The following FAM217A variants were observed in gnomAD, a reference collection of about 807,000 sequenced individuals.
FAM217A encodes the protein family with sequence similarity 217 member A.
Under a neutral mutation model 18.5 loss-of-function variants are expected in FAM217A, and 13 were observed. The observed-to-expected ratio is 0.70, with a 90% CI of 0.46 to 1.12. The LOEUF is 1.12. Among genes scored for constraint, FAM217A ranks in the 50% most tolerant of loss-of-function variants. FAM217A has a pLI of 0.00. For missense variants in FAM217A, 560 were observed against 575.4 expected, an observed-to-expected ratio of 0.97 and a Z score of 0.27; for synonymous variants, 161 against 202.8, an observed-to-expected ratio of 0.79 and a Z score of 1.75.
upstream of FAM217A, chr6:4,079,554 C>A: frequency 8.0e-7 from 1 of 1,246,230 alleles, no homozygotes; most frequent in Non-Finnish European, 1.1e-6. Flanking sequence ...CCAGGCCCTT[C>A]CCTGGGCCTC....
chr6:4,086,932 G>A lies in FAM217A; in HGVS notation c.18+78C>T, dbSNP rs79417067. ...AATGGCTTCTTACCGGGAAGGCTCC[G>A]GTTGAGCATTTGTTTACTTTGTTTT... On this transcript the variant is annotated intron_variant, in intron 1 of 8. Transcript: ENST00000639338. The A allele has an allele frequency of 2.3e-3, 915 of 398,894 alleles. 3 individuals carry two copies. Among genetic ancestry groups the A allele is most frequent in the Non-Finnish European group, 3.5e-3 (795 of 226,050 alleles). 24.7% of individuals were successfully genotyped at this position (398,894 alleles called of 1,614,324 possible). A position where few individuals can be genotyped will look rare whatever the true frequency, so the allele number is the denominator to read the frequency against.
upstream of FAM217A, chr6:4,079,190 C>T: frequency 3.3e-6 from 1 of 306,682 alleles, no homozygotes. Flanking sequence ...GGAGGCCCGG[C>T]GTTCCACAAG....
At chr6:4,070,832 C>G (rs899056861) in intron 6 of FAM217A, among the ~76,000 whole-genome samples, 1 of 151,984 alleles carries the variant, frequency 6.6e-6, no homozygotes, top group Non-Finnish European at 1.5e-5. Context: ...TGGCAAAATT[C>G]TTGTCTACAA....
intron 4 of FAM217A, 137 bp downstream of exon 4, chr6:4,074,306 G>T: frequency 1.7e-6 from 1 of 603,148 alleles, no homozygotes; most frequent in Non-Finnish European, 2.8e-6. Flanking sequence ...TAAAATATTT[G>T]ACTTTGACTT....
chr6:4,078,177 C>A (rs1769982070), intron 1 of FAM217A, among the ~76,000 whole-genome samples: 1 of 151,782 alleles, frequency 6.6e-6, no homozygotes, highest in South Asian at 2.1e-4. Context: ...CCTCAGCCTC[C>A]CGAGCAGCTG....
chr6:4,083,760 G>C (rs1770463405), upstream of FAM217A, among the ~76,000 whole-genome samples: 1 of 151,994 alleles, frequency 6.6e-6, no homozygotes, highest in Non-Finnish European at 1.5e-5. Context: ...CACCATATTG[G>C]TCAGGCTGGT....
chr6:4,080,740 A>G (rs1303802694), upstream of FAM217A, among the ~76,000 whole-genome samples: 1 of 151,974 alleles, frequency 6.6e-6, no homozygotes, highest in Non-Finnish European at 1.5e-5. Flanking sequence ...ACATTTTACA[A>G]TTTTCCTAAA....
rs545235485 is a variant in FAM217A at position 4,068,944 on chromosome 6, T to C, written c.1279A>G (p.Met427Val). 99 of 1,614,162 alleles carry C rather than the reference T, an allele frequency of 6.1e-5. 3 individuals are homozygous for C. Among genetic ancestry groups the C allele is most frequent in the South Asian group, 3.2e-4 (29 of 91,078 alleles). The change falls in exon 7 of 7, where the codon ATG (methionine) becomes GTG (valine). Residue 427 changes from methionine to valine, a missense_variant. Transcript: ENST00000274673. ...KPTIGHTNQS[M>V]VKMVSTRCLP... ...CATCTTGTGGAGACCATTTTAACCA[T>C]TGATTGATTTGTATGGCCAATAGTA...
In FAM217A at chr6:4,069,206, C is replaced by CA. The variant is rs757737319; in HGVS notation, c.1016dup (p.Leu339PhefsTer10). On this transcript the variant is annotated frameshift_variant, in exon 7 of 7. Transcript: ENST00000274673. LOFTEE classifies it low-confidence loss of function (END_TRUNC). ...TATCTACACAAGGTATCTGAAGACTCAAAGAGTCGCAAAGTTTTGGCTGTC... is the reference window on the plus strand; with the variant it reads ...TATCTACACAAGGTATCTGAAGACTCAAAAGAGTCGCAAAGTTTTGGCTGTC... The CA allele has an allele frequency of 3.7e-6, 6 of 1,612,148 alleles. No homozygotes were observed. In the Admixed American group the frequency reaches 8.3e-5, roughly 22 times the overall value.
In FAM217A at chr6:4,073,285, T is replaced by C. The variant is rs141148796; in HGVS notation, c.292A>G (p.Ile98Val). The change falls in exon 6 of 7, where the codon ATA (isoleucine) becomes GTA (valine). Residue 98 changes from isoleucine to valine, a missense_variant. Transcript: ENST00000274673. ...TAACTACTCGCTTACCTCTTCTCTATGGTACTTCCTTCATTAAGAGGACAA... is the reference window on the plus strand; with the variant it reads ...TAACTACTCGCTTACCTCTTCTCTACGGTACTTCCTTCATTAAGAGGACAA... ...WNCPLNEGST[I>V]EKREFKKSSV... 2.3e-4 allele frequency: 363 copies of C among 1,606,804 alleles called. 1 individual carries two copies. In the African/African-American group the frequency reaches 4.4e-3, roughly 20 times the overall value.
chr6:4,072,088 A>T (rs1480743096), intron 6 of FAM217A, among the ~76,000 whole-genome samples: 1 of 152,248 alleles, frequency 6.6e-6, no homozygotes, highest in Non-Finnish European at 1.5e-5. Flanking sequence ...CACGCCCGTA[A>T]TCCCAGCACT....
chr6:4,082,751 G>C (rs1272091487), upstream of FAM217A, among the ~76,000 whole-genome samples: 2 of 152,160 alleles, frequency 1.3e-5, no homozygotes, highest in Non-Finnish European at 2.9e-5. Flanking sequence ...TTGAACCTAA[G>C]CATAAAAATG....
chr6:4,078,708 G>A, intron 1 of FAM217A, 144 bp downstream of exon 1: 1 of 396,932 alleles, frequency 2.5e-6, no homozygotes, highest in Non-Finnish European at 4.5e-6. Flanking sequence ...GCTTGAAGGC[G>A]CGTGTCTCAA....
At chr6:4,086,943 TG>T (rs1770706778) in intron 1 of FAM217A, 4 of 399,068 alleles carry the variant, frequency 1.0e-5, no homozygotes, top group Middle Eastern at 6.3e-4. Context: ...GTTGAGCATT[TG>T]TTTACTTTGT....
At position 4,073,319 on chromosome 6, in the gene FAM217A, T is replaced by C. The variant is rs754429870; in HGVS notation, c.258A>G (p.Gln86=). The C allele has an allele frequency of 3.1e-6, 5 of 1,610,094 alleles. No homozygotes were observed. ...STQNSKQGIF[Q]LWNCPLNEGS... The stretch of plus-strand genomic sequence containing the variant: ...CTTCATTAAGAGGACAATTCCATAA[T>C]TGAAAGATCCCTTGTTTACTATTCT... Residue 86 remains glutamine, a synonymous_variant, in exon 6 of 7, where the codon CAA becomes CAG. Transcript: ENST00000274673.
chr6:4,074,559 A>G lies in FAM217A; in HGVS notation c.145+18T>C. 6.2e-7 allele frequency: 1 copy of G among 1,600,570 alleles called. No homozygotes were observed. The highest frequency in any genetic ancestry group is 8.6e-7 in the Non-Finnish European group (1 of 1,168,110). ...AGTGATTCTTTCAGTATAAGTATAC[A>G]CATCTAGGATTTCTTACCACCTGCT... On this transcript the variant is annotated intron_variant, in intron 3 of 6. Coordinates refer to ENST00000274673, the MANE Select transcript of FAM217A (RefSeq NM_173563.3).
chr6:4,083,428 T>C (rs184797236), upstream of FAM217A, among the ~76,000 whole-genome samples: 405 of 152,390 alleles, frequency 2.7e-3, 2 homozygotes, highest in African/African-American at 9.4e-3. Context: ...CCTCCTTCAG[T>C]ATCTTTCACC....
At chr6:4,079,529 C>A, upstream of FAM217A, 1 of 1,042,164 alleles carries the variant, frequency 9.6e-7, no homozygotes, top group Non-Finnish European at 1.3e-6. Context: ...CCTCCCCAGG[C>A]CTTCCCCGAG....
upstream of FAM217A, among the ~76,000 whole-genome samples, chr6:4,081,150 T>C (rs1375829261): frequency 6.6e-6 from 1 of 152,208 alleles, no homozygotes; most frequent in African/African-American, 2.4e-5. Context: ...GATTTAATTA[T>C]TGCAAAAATA....
Sources: gnomAD v4.1 joint callset for allele counts (sites outside exome capture counted in the v4.1 genomes callset) on GRCh38, gnomAD v4.1.1 for gene constraint, MANE v1.5 for transcripts, NCBI Gene and HGNC (gene_info 2026-07-23, HGNC 2026-07-21) for gene names.